Variants in PRPF4 observed in about 807,000 individuals in gnomAD.
PRPF4 encodes the protein pre-mRNA splicing tri-snRNP complex factor PRPF4.
Under a neutral mutation model 72.2 loss-of-function variants are expected in PRPF4, and 14 were observed. That is an observed-to-expected ratio of 0.19 (90% CI 0.13 to 0.30). PRPF4 has a LOEUF of 0.30. PRPF4 is among the 10% of genes least tolerant of loss of function. The pLI, the probability that PRPF4 is intolerant of heterozygous loss-of-function variation, is 1.00. For synonymous variants in PRPF4, 225 were observed against 232.2 expected, an observed-to-expected ratio of 0.97 and a Z score of 0.28; for missense variants, 478 against 653.9, an observed-to-expected ratio of 0.73 and a Z score of 2.93.
At chr9:113,288,636 C>T (rs2118639771) in intron 10 of PRPF4, among the ~76,000 whole-genome samples, 1 of 152,152 alleles carries the variant, frequency 6.6e-6, no homozygotes, top group South Asian at 2.1e-4. Flanking sequence ...AGGGTTTCAC[C>T]ATGTTGGCCA....
chr9:113,285,582 G>A (rs1469936779), intron 7 of PRPF4, among the ~76,000 whole-genome samples: 1 of 151,436 alleles, frequency 6.6e-6, no homozygotes, highest in Non-Finnish European at 1.5e-5. Flanking sequence ...GTTTCACCGT[G>A]TTAGCCAGGA....
intron 1 of PRPF4, 85 bp downstream of exon 1, chr9:113,275,855 G>A: frequency 6.4e-7 from 1 of 1,557,536 alleles, no homozygotes; most frequent in Non-Finnish European, 8.7e-7. Context: ...GTTAAGGAGC[G>A]GGAGAAGGCG....
Position 113,279,013 on chromosome 9 carries a change from A to C in PRPF4, c.274A>C (p.Arg92=), listed in dbSNP as rs1832193785. 2 of 1,614,140 alleles carry C rather than the reference A, an allele frequency of 1.2e-6. No homozygotes were observed. The highest frequency in any genetic ancestry group is 2.7e-5 in the African/African-American group (2 of 74,950). The part of the protein sequence containing the change: ...QAEVLAEFER[R]KRARQINVST... Reference sequence around the variant, plus strand: ...AGAAGTATTGGCTGAGTTTGAGAGAAGGAAGCGAGCCCGGCAGATCAATGT... The same window carrying C: ...AGAAGTATTGGCTGAGTTTGAGAGACGGAAGCGAGCCCGGCAGATCAATGT... The change falls in exon 3 of 14, where the codon AGG becomes CGG. Residue 92 remains arginine (R), a synonymous_variant. Coordinates refer to ENST00000374198, the MANE Select transcript of PRPF4 (RefSeq NM_001244926.2).
intron 10 of PRPF4, 101 bp downstream of exon 10, chr9:113,288,365 G>T (rs1832511149): frequency 9.1e-7 from 1 of 1,102,390 alleles, no homozygotes. Context: ...AGATCTTCAG[G>T]TAGGATTTTC....
At chr9:113,288,884 A>T (rs987501917) in intron 10 of PRPF4, among the ~76,000 whole-genome samples, 2 of 152,218 alleles carry the variant, frequency 1.3e-5, no homozygotes, top group Non-Finnish European at 2.9e-5. Context: ...CTGTTAGAGA[A>T]CTTTTCCATT....
In PRPF4 at chr9:113,275,742, G is replaced by C. The variant is rs755591237; in HGVS notation, c.-2G>C. On this transcript the variant is annotated 5_prime_UTR_variant, in exon 1 of 14. Transcript: ENST00000374198. ...TGGGGCCTCGCGGCTCCAGAGCCCA[G>C]CATGGCTTCCTCGCGAGCCTCTTCC... 13 of 1,611,934 alleles carry C rather than the reference G, an allele frequency of 8.1e-6. 1 individual carries two copies. In the South Asian group the frequency reaches 1.4e-4, roughly 18 times the overall value.
Position 113,291,505 on chromosome 9 carries a change from A to G in PRPF4, c.1411A>G (p.Asn471Asp). The change falls in exon 14 of 14, where the codon AAC becomes GAC. Residue 471 changes from asparagine to aspartate, a missense_variant. Asn to Asp is a conservative substitution (Grantham distance 23). Coordinates refer to ENST00000374198, the MANE Select transcript of PRPF4 (RefSeq NM_001244926.2). Reference sequence around the variant, plus strand: ...CTTCTTGCTTACTGGTGCCTATGATAACACAGCCAAGATCTGGACGCACCC... The same window carrying G: ...CTTCTTGCTTACTGGTGCCTATGATGACACAGCCAAGATCTGGACGCACCC... ...GNFLLTGAYD[N>D]TAKIWTHPGW... The G allele has an allele frequency of 6.2e-7, 1 of 1,614,148 alleles. No individual in the cohort carries two copies. The highest frequency in any genetic ancestry group is 8.5e-7 in the Non-Finnish European group (1 of 1,180,012).
intron 9 of PRPF4, 45 bp from the exon 10 acceptor site, chr9:113,288,130 A>AT (rs1204774651): frequency 1.3e-6 from 2 of 1,574,628 alleles, no homozygotes; most frequent in Admixed American, 1.7e-5. Flanking sequence ...TTTTGTGACT[A>AT]TTTATATGTC....
At chr9:113,283,354 C>T (rs778823075) in intron 5 of PRPF4, 35 bp from the exon 6 acceptor site, 4 of 1,613,706 alleles carry the variant, frequency 2.5e-6, no homozygotes, top group African/African-American at 1.3e-5. Flanking sequence ...GTTTACAACC[C>T]TGTTGCTCCT....
At position 113,286,836 on chromosome 9, in the gene PRPF4, T is replaced by A. The variant is rs530301468; in HGVS notation, c.932+8T>A. Reference sequence around the variant, plus strand: ...GCTTTGGAGTCTCGACAGGTGAATATCACTGTTCTGTGGCCCATACTGCCA... The same window carrying A: ...GCTTTGGAGTCTCGACAGGTGAATAACACTGTTCTGTGGCCCATACTGCCA... On this transcript the variant is annotated splice_region_variant and intron_variant, in intron 9 of 13. Coordinates refer to ENST00000374198, the MANE Select transcript of PRPF4 (RefSeq NM_001244926.2). 2 of 1,614,108 alleles carry A rather than the reference T, an allele frequency of 1.2e-6. No individual in the cohort carries two copies. Among genetic ancestry groups the A allele is most frequent in the Admixed American group, 3.3e-5 (2 of 60,014 alleles).
Position 113,282,972 on chromosome 9 carries a change from A to G in PRPF4, c.481-160A>G, listed in dbSNP as rs191204280. The G allele has an allele frequency of 1.1e-3, 1,500 of 1,322,982 alleles. 4 individuals are homozygous for G. The highest frequency in any genetic ancestry group is 1.5e-3 in the Non-Finnish European group (1,408 of 967,666). 82.0% of individuals were successfully genotyped at this position (1,322,982 alleles called of 1,614,324 possible). On this transcript the variant is annotated intron_variant, in intron 4 of 13. Coordinates refer to ENST00000374198, the MANE Select transcript of PRPF4 (RefSeq NM_001244926.2). ...ATTCCTGGTATAACCATGTAGTTAC[A>G]TATCATAGAAAAAAATTCAGTAGAA...
In PRPF4 at chr9:113,285,425, C is replaced by T. The variant is rs965504991; in HGVS notation, c.750-807C>T. Among the ~76,000 whole-genome samples the T allele has an allele frequency of 5.6e-5, 7 of 124,134 alleles. No individual in the cohort carries two copies. In the South Asian group the frequency reaches 1.9e-3, roughly 34 times the overall value. The allele number at this position is 124,134 out of a possible 152,430, so 81.4% of individuals were successfully genotyped here. On this transcript the variant is annotated intron_variant, in intron 7 of 13. Transcript: ENST00000374198. ...ACGGAGTGTCACACTTTCGGCCAGG[C>T]TGGAGTGCAGTGGCGCGATCTCGGC...
chr9:113,286,688 C>T lies in PRPF4; in HGVS notation c.809-17C>T, dbSNP rs1832457798. 1.9e-6 allele frequency: 3 copies of T among 1,613,986 alleles called. No individual in the cohort carries two copies. The highest frequency in any genetic ancestry group is 2.7e-5 in the African/African-American group (2 of 74,920). Reference sequence around the variant, plus strand: ...GAGGCAGGAACCTTTTAACTTGCATCTCTTACACTCCTTTAGGGCATAACA... The same window carrying T: ...GAGGCAGGAACCTTTTAACTTGCATTTCTTACACTCCTTTAGGGCATAACA... On this transcript the variant is annotated splice_polypyrimidine_tract_variant and intron_variant, in intron 8 of 13. Transcript: ENST00000374198.
Position 113,278,779 on chromosome 9 carries a change from A to G in PRPF4, c.206-166A>G, listed in dbSNP as rs1373497208. Among the ~76,000 whole-genome samples, 3 of 152,254 alleles carry G rather than the reference A, an allele frequency of 2.0e-5. No homozygotes were observed. The East Asian group carries it at 5.8e-4, about 29-fold the overall frequency. On this transcript the variant is annotated intron_variant, in intron 2 of 13. Coordinates refer to ENST00000374198, the MANE Select transcript of PRPF4 (RefSeq NM_001244926.2). ...CTTGCCTTTTGAAGCTGTGTCATTT[A>G]GGTTTATGTGTTTGGCATAATTTAA... is the stretch of plus-strand genomic sequence containing the variant.
chr9:113,285,434 A>T (rs532308353), intron 7 of PRPF4, among the ~76,000 whole-genome samples: 2 of 124,222 alleles, frequency 1.6e-5, no homozygotes, highest in Non-Finnish European at 3.2e-5. Flanking sequence ...GCTGGAGTGC[A>T]GTGGCGCGAT....
Position 113,291,516 on chromosome 9 carries a change from G to C in PRPF4, c.1422G>C (p.Lys474Asn). 2 of 1,614,128 alleles carry C rather than the reference G, an allele frequency of 1.2e-6. No individual in the cohort carries two copies. Among genetic ancestry groups the C allele is most frequent in the Non-Finnish European group, 1.7e-6 (2 of 1,180,018 alleles). Residue 474 changes from lysine (K) to asparagine (N), a missense_variant, in exon 14 of 14, where the codon AAG becomes AAC. Coordinates refer to ENST00000374198, the MANE Select transcript of PRPF4 (RefSeq NM_001244926.2). ...CTGGTGCCTATGATAACACAGCCAA[G>C]ATCTGGACGCACCCAGGCTGGTCCC... ...LLTGAYDNTA[K>N]IWTHPGWSPL...
Position 113,275,661 on chromosome 9 carries a change from C to T in PRPF4, c.-83C>T. 3 of 1,511,306 alleles carry T rather than the reference C, an allele frequency of 2.0e-6. No individual in the cohort carries two copies. Among genetic ancestry groups the T allele is most frequent in the Non-Finnish European group, 2.7e-6 (3 of 1,111,256 alleles). 93.6% of individuals were successfully genotyped at this position (1,511,306 alleles called of 1,614,324 possible). On this transcript the variant is annotated 5_prime_UTR_variant, in exon 1 of 14. Transcript: ENST00000374198. ...TGACGCACTTCCTGTCAGTGACGCA[C>T]TTCCCCTCTGCTGGGCGCGCGGTGG...
chr9:113,275,944 C>G (rs1156849856), intron 1 of PRPF4, among the ~76,000 whole-genome samples, 174 bp downstream of exon 1: 1 of 152,226 alleles, frequency 6.6e-6, no homozygotes, highest in Non-Finnish European at 1.5e-5. Flanking sequence ...TCCCTAAGCG[C>G]TTTCGTGGAC....
chr9:113,284,218 T>C (rs1832367207), intron 6 of PRPF4, 77 bp from the exon 7 acceptor site: 1 of 1,136,416 alleles, frequency 8.8e-7, no homozygotes, highest in Non-Finnish European at 1.3e-6. Context: ...TGTTGTTCTT[T>C]TTATGGTGGA....
Sources: allele counts gnomAD v4.1 joint callset (sites outside exome capture counted in the v4.1 genomes callset), GRCh38; gene constraint gnomAD v4.1.1; transcripts MANE v1.5; gene names NCBI Gene and HGNC (gene_info 2026-07-23, HGNC 2026-07-21).